The following PDSS2 variants were observed in gnomAD, a reference collection of about 807,000 sequenced individuals.
PDSS2 encodes the protein decaprenyl diphosphate synthase subunit 2, also known as all trans-polyprenyl-diphosphate synthase PDSS2.
Under a neutral mutation model 44.5 loss-of-function variants are expected in PDSS2, and 31 were observed. The ratio of observed to expected loss-of-function variants is 0.70; its 90% confidence interval spans 0.52 to 0.94. PDSS2 has a LOEUF of 0.94. Among genes scored for constraint, PDSS2 ranks in the 40% least tolerant of loss-of-function variants. The pLI, the probability that PDSS2 is intolerant of heterozygous loss-of-function variation, is 0.00. For synonymous variants in PDSS2, 157 were observed against 180.3 expected (o/e 0.87, Z 1.03); for missense variants, 452 against 482.2 (o/e 0.94, Z 0.59).
intron 1 of PDSS2, among the ~76,000 whole-genome samples, chr6:107,380,341 T>A: frequency 6.6e-6 from 1 of 152,336 alleles, no homozygotes. Flanking sequence ...TTGTGATTCC[T>A]TGGGTTCTGA....
intron 1 of PDSS2, among the ~76,000 whole-genome samples, chr6:107,419,911 C>G (rs1328302883): frequency 6.6e-6 from 1 of 152,172 alleles, no homozygotes; most frequent in East Asian, 1.9e-4. Context: ...TGTAACTCTG[C>G]CACATGTAGT....
intron 3 of PDSS2, chr6:107,264,243 T>C: frequency 7.8e-7 from 1 of 1,286,544 alleles, no homozygotes; most frequent in African/African-American, 1.5e-5. Context: ...TTTATATGCA[T>C]AAATTGAGCA....
chr6:107,161,353 G>A lies in PDSS2; in HGVS notation c.1042-6576C>T, dbSNP rs1490816707. ...AAATTAGCCAGGCGTGGTGCCGGGC[G>A]CCTGTAGTCCCAGCTACTGTGGAGG... On this transcript the variant is annotated intron_variant, in intron 7 of 7. Transcript: ENST00000369037. Among the ~76,000 whole-genome samples the A allele has an allele frequency of 2.0e-5, 3 of 151,984 alleles. No individual in the cohort carries two copies. In the East Asian group the frequency reaches 5.9e-4, roughly 30 times the overall value.
intron 6 of PDSS2, among the ~76,000 whole-genome samples, chr6:107,200,856 G>C (rs1270817540): frequency 1.3e-5 from 2 of 151,930 alleles, no homozygotes; most frequent in Non-Finnish European, 2.9e-5. Flanking sequence ...TAGTATAACG[G>C]GGTTTTGTCG....
At chr6:107,213,556 C>T (rs1773302376) in intron 4 of PDSS2, among the ~76,000 whole-genome samples, 1 of 150,868 alleles carries the variant, frequency 6.6e-6, no homozygotes, top group Non-Finnish European at 1.5e-5. Flanking sequence ...GTCAGGAGTT[C>T]AAGACTAGCC....
intron 4 of PDSS2, among the ~76,000 whole-genome samples, chr6:107,223,500 G>A (rs998133843): frequency 1.3e-5 from 2 of 150,806 alleles, no homozygotes; most frequent in African/African-American, 4.9e-5. Context: ...ATGCCACCAC[G>A]CTCCAGGATG....
intron 1 of PDSS2, among the ~76,000 whole-genome samples, chr6:107,427,201 C>T (rs956637674): frequency 1.3e-5 from 2 of 152,070 alleles, no homozygotes; most frequent in Non-Finnish European, 2.9e-5. Flanking sequence ...ATGAGTCTCA[C>T]GAGATCTGAT....
chr6:107,379,389 C>T (rs1779388270), intron 1 of PDSS2, among the ~76,000 whole-genome samples: 1 of 152,148 alleles, frequency 6.6e-6, no homozygotes, highest in African/African-American at 2.4e-5. Context: ...ATTATCAGAA[C>T]TTCGAGTTTA....
intron 4 of PDSS2, among the ~76,000 whole-genome samples, chr6:107,224,859 G>A (rs186110598): frequency 6.6e-6 from 1 of 150,758 alleles, no homozygotes; most frequent in Admixed American, 6.6e-5. Context: ...TTATTTCACA[G>A]TTTCTGAGGG....
chr6:107,448,415 C>T (rs1203888081), intron 1 of PDSS2, among the ~76,000 whole-genome samples: 1 of 152,200 alleles, frequency 6.6e-6, no homozygotes, highest in African/African-American at 2.4e-5. Context: ...CAAAGTTCCA[C>T]AGTTCTCTAG....
At chr6:107,308,134 TACA>T (rs559457702) in intron 2 of PDSS2, among the ~76,000 whole-genome samples, 43 of 152,298 alleles carry the variant, frequency 2.8e-4, no homozygotes, top group African/African-American at 9.9e-4. Context: ...TAAGCGCCAT[TACA>T]ACAAGCTAAA....
chr6:107,241,582 G>A (rs1193118493), intron 4 of PDSS2, among the ~76,000 whole-genome samples: 1 of 151,934 alleles, frequency 6.6e-6, no homozygotes, highest in East Asian at 2.0e-4. Flanking sequence ...TCCTGACCTC[G>A]TGATCTGCCC....
intron 4 of PDSS2, among the ~76,000 whole-genome samples, chr6:107,239,276 CAAAA>C (rs897848317): frequency 2.0e-5 from 3 of 151,286 alleles, no homozygotes; most frequent in Non-Finnish European, 4.4e-5. Context: ...GACTCCGTCT[CAAAA>C]AAAACCAAAA....
At chr6:107,356,703 A>T in intron 1 of PDSS2, among the ~76,000 whole-genome samples, 2 of 152,328 alleles carry the variant, frequency 1.3e-5, no homozygotes, top group Middle Eastern at 3.4e-3. Flanking sequence ...GATATGAAAT[A>T]GTAAAGAGAA....
At chr6:107,201,986 C>T (rs1360782441) in intron 6 of PDSS2, among the ~76,000 whole-genome samples, 1 of 152,114 alleles carries the variant, frequency 6.6e-6, no homozygotes, top group Non-Finnish European at 1.5e-5. Context: ...GATGCTCACC[C>T]CTAGATACTT....
intron 7 of PDSS2, among the ~76,000 whole-genome samples, chr6:107,174,816 A>G (rs1464081464): frequency 6.9e-6 from 1 of 145,706 alleles, no homozygotes; most frequent in Non-Finnish European, 1.5e-5. Flanking sequence ...AAATACAGTA[A>G]GAATAGTAGT....
At chr6:107,298,504 G>A (rs1339346483) in intron 2 of PDSS2, among the ~76,000 whole-genome samples, 1 of 152,106 alleles carries the variant, frequency 6.6e-6, no homozygotes, top group Non-Finnish European at 1.5e-5. Context: ...TCAGGGACTT[G>A]AGCATCCAAG....
chr6:107,446,457 G>A (rs961135176), intron 1 of PDSS2, among the ~76,000 whole-genome samples: 1 of 152,160 alleles, frequency 6.6e-6, no homozygotes, highest in Admixed American at 6.5e-5. Flanking sequence ...TTGATAGATT[G>A]TTAACTACAG....
At chr6:107,277,575 G>C (rs1334463109) in intron 2 of PDSS2, among the ~76,000 whole-genome samples, 1 of 151,790 alleles carries the variant, frequency 6.6e-6, no homozygotes, top group Non-Finnish European at 1.5e-5. Context: ...GATATGGGGT[G>C]GGGGAGCTAT....
Sources: allele counts gnomAD v4.1 joint callset (sites outside exome capture counted in the v4.1 genomes callset), GRCh38; gene constraint gnomAD v4.1.1; transcripts MANE v1.5; gene names NCBI Gene and HGNC (gene_info 2026-07-23, HGNC 2026-07-21).